The following SGCZ variants were observed in gnomAD, a reference collection of about 807,000 sequenced individuals.
The protein encoded by SGCZ is zeta-sarcoglycan.
SGCZ carries 40 observed loss-of-function variants against 41.3 expected under a neutral mutation model. The ratio of observed to expected loss-of-function variants is 0.97; its 90% CI spans 0.75 to 1.26. SGCZ has a LOEUF of 1.26. Among genes scored for constraint, SGCZ ranks in the 50% most tolerant of loss-of-function variants. The pLI is 0.00. For synonymous variants in SGCZ, 206 were observed against 137.5 expected (o/e 1.50, Z -3.49); for missense variants, 552 against 369.8 (o/e 1.49, Z -4.04).
intron 1 of SGCZ, among the ~76,000 whole-genome samples, chr8:15,153,265 T>G (rs529819152): frequency 6.6e-6 from 1 of 152,166 alleles, no homozygotes; most frequent in Non-Finnish European, 1.5e-5. Flanking sequence ...AACATAAAAC[T>G]TTTGAGCTGC....
chr8:14,595,551 C>T (rs911366111), intron 1 of SGCZ, among the ~76,000 whole-genome samples: 2 of 152,094 alleles, frequency 1.3e-5, no homozygotes, highest in African/African-American at 4.8e-5. Flanking sequence ...TCCGTGGCTG[C>T]TGTCAGATTC....
intron 1 of SGCZ, among the ~76,000 whole-genome samples, chr8:15,145,460 T>A (rs2117006334): frequency 6.6e-6 from 1 of 152,218 alleles, no homozygotes; most frequent in East Asian, 1.9e-4. Context: ...CCACTTAGTA[T>A]CTCGGAACTT....
intron 2 of SGCZ, among the ~76,000 whole-genome samples, chr8:14,551,644 A>G (rs1453414985): frequency 1.7e-5 from 1 of 58,274 alleles, no homozygotes; most frequent in East Asian, 3.7e-4. Context: ...ATATATATAT[A>G]AAATATATAT....
At position 14,248,447 on chromosome 8, in the gene SGCZ, T is replaced by C. The variant is rs896441063; in HGVS notation, c.337-10768A>G. ...CACAGTTCATGTTATATGAGTATCA[T>C]GAATGATGAAAACTAGAAAGTAAGT... On this transcript the variant is annotated intron_variant, in intron 3 of 7. Coordinates refer to ENST00000382080, the MANE Select transcript of SGCZ (RefSeq NM_139167.4). Among the ~76,000 whole-genome samples, 14 of 152,328 alleles carry C rather than the reference T, an allele frequency of 9.2e-5. 1 individual carries two copies. Among genetic ancestry groups the C allele is most frequent in the African/African-American group, 2.9e-4 (12 of 41,582 alleles).
At chr8:14,569,612 C>T (rs1245129298) in intron 1 of SGCZ, among the ~76,000 whole-genome samples, 1 of 152,098 alleles carries the variant, frequency 6.6e-6, no homozygotes, top group African/African-American at 2.4e-5. Context: ...TTGATGGACA[C>T]AGACAGTGAA....
chr8:14,101,568 T>A (rs1225413151), intron 7 of SGCZ, among the ~76,000 whole-genome samples: 1 of 76,546 alleles, frequency 1.3e-5, no homozygotes, highest in Non-Finnish European at 4.6e-5. Flanking sequence ...TCTGCAGGAG[T>A]AGCAACAAGA....
chr8:14,553,760 C>G (rs372966421), intron 2 of SGCZ, among the ~76,000 whole-genome samples: 6 of 151,892 alleles, frequency 4.0e-5, no homozygotes, highest in African/African-American at 1.5e-4. Context: ...AAACCAATAC[C>G]CAGTGGGGTT....
intron 2 of SGCZ, among the ~76,000 whole-genome samples, chr8:14,368,324 A>G (rs1040040559): frequency 2.6e-5 from 4 of 152,086 alleles, no homozygotes; most frequent in Non-Finnish European, 5.9e-5. Context: ...AAGAAAAGAT[A>G]TTTAGAAGAG....
chr8:14,455,258 T>C (rs1800708008), intron 2 of SGCZ, among the ~76,000 whole-genome samples: 1 of 152,066 alleles, frequency 6.6e-6, no homozygotes, highest in South Asian at 2.1e-4. Flanking sequence ...CAAAATGAAC[T>C]TCAAACAGGT....
chr8:14,963,444 T>G (rs1324577827), intron 1 of SGCZ, among the ~76,000 whole-genome samples: 2 of 152,052 alleles, frequency 1.3e-5, no homozygotes, highest in Admixed American at 6.6e-5. Flanking sequence ...GTTCAAGTGA[T>G]TCTCCTGCCT....
At chr8:14,162,509 C>T (rs1171336591) in intron 5 of SGCZ, 1 of 152,184 alleles carries the variant, frequency 6.6e-6, no homozygotes, top group African/African-American at 2.4e-5. Flanking sequence ...AACTAATGTC[C>T]TTTCTGATTT....
intron 1 of SGCZ, among the ~76,000 whole-genome samples, chr8:14,974,161 T>G (rs1585427029): frequency 6.6e-6 from 1 of 152,222 alleles, no homozygotes; most frequent in Admixed American, 6.5e-5. Flanking sequence ...ATTTGCTTTT[T>G]TAAATTTCAG....
At chr8:14,648,468 T>A (rs118000576) in intron 1 of SGCZ, among the ~76,000 whole-genome samples, 4,726 of 152,194 alleles carry the variant, frequency 0.031, 126 homozygotes, top group Middle Eastern at 0.078. Flanking sequence ...CACTGAATAG[T>A]ATGTTTAGTA....
intron 1 of SGCZ, among the ~76,000 whole-genome samples, chr8:14,596,949 A>G (rs1805431814): frequency 6.6e-6 from 1 of 152,182 alleles, no homozygotes; most frequent in South Asian, 2.1e-4. Flanking sequence ...CAAAAAAACA[A>G]CCTGTCATCA....
chr8:15,149,397 A>G (rs1344548893), intron 1 of SGCZ, among the ~76,000 whole-genome samples: 24 of 152,134 alleles, frequency 1.6e-4, no homozygotes, highest in Admixed American at 1.6e-3. Context: ...ACCAGATAGG[A>G]CTATGAACTT....
At chr8:14,671,356 A>T (rs1019012636) in intron 1 of SGCZ, among the ~76,000 whole-genome samples, 12 of 152,192 alleles carry the variant, frequency 7.9e-5, no homozygotes, top group African/African-American at 2.9e-4. Flanking sequence ...TCAGGTGTTA[A>T]AACCCTTTTA....
chr8:14,168,148 G>T (rs924249123), intron 4 of SGCZ, among the ~76,000 whole-genome samples: 9 of 152,026 alleles, frequency 5.9e-5, no homozygotes, highest in African/African-American at 2.2e-4. Flanking sequence ...AGGCCTTGAA[G>T]AATAGTATTA....
intron 1 of SGCZ, among the ~76,000 whole-genome samples, chr8:15,008,563 G>A (rs1211883963): frequency 3.4e-5 from 2 of 58,804 alleles, no homozygotes; most frequent in African/African-American, 7.2e-5. Context: ...GAGGGAGGGA[G>A]GGAGGGAGGG....
At chr8:14,426,720 AC>A (rs1799792618) in intron 2 of SGCZ, among the ~76,000 whole-genome samples, 1 of 152,234 alleles carries the variant, frequency 6.6e-6, no homozygotes, top group South Asian at 2.1e-4. Flanking sequence ...AGAGCCTGAA[AC>A]TCTCACAGCA....
Sources: allele counts gnomAD v4.1 joint callset (sites outside exome capture counted in the v4.1 genomes callset), GRCh38; gene constraint gnomAD v4.1.1; transcripts MANE v1.5; gene names NCBI Gene and HGNC (gene_info 2026-07-23, HGNC 2026-07-21).